MYOM2: variants seen among roughly 807,000 people sequenced by gnomAD.
MYOM2 encodes myomesin-2.
In MYOM2, 254 loss-of-function variants were observed where a neutral mutation model predicts 187.6. The ratio of observed to expected loss-of-function variants is 1.35; its 90% CI spans 1.22 to 1.50. MYOM2 has a LOEUF of 1.50. Among genes scored for constraint, MYOM2 ranks in the 40% most tolerant of loss-of-function variants. The pLI is 0.00. For missense variants in MYOM2, 2,796 were observed against 1,924.0 expected, an observed-to-expected ratio of 1.45 and a Z score of -8.48; for synonymous variants, 981 against 753.8, an observed-to-expected ratio of 1.30 and a Z score of -4.94.
intron 27 of MYOM2, among the ~76,000 whole-genome samples, chr8:2,116,626 G>A (rs1797253674): frequency 6.6e-6 from 1 of 152,158 alleles, no homozygotes. Context: ...TTAAGATTGT[G>A]GGAGCTGTTA....
At chr8:2,097,664 A>G (rs561138277) in intron 18 of MYOM2, among the ~76,000 whole-genome samples, 69 of 152,002 alleles carry the variant, frequency 4.5e-4, no homozygotes, top group African/African-American at 1.5e-3. Context: ...ACAGGCGCCC[A>G]CCACCACGCC....
chr8:2,138,879 C>T (rs1408049859), intron 32 of MYOM2, among the ~76,000 whole-genome samples: 1 of 152,186 alleles, frequency 6.6e-6, no homozygotes, highest in African/African-American at 2.4e-5. Flanking sequence ...TTCGGCCTCT[C>T]TGGCTTAGTG....
intron 35 of MYOM2, 121 bp from the exon 36 acceptor site, chr8:2,143,280 T>C: frequency 9.0e-7 from 1 of 1,117,308 alleles, no homozygotes; most frequent in Non-Finnish European, 1.4e-6. Flanking sequence ...TGATGCTCGC[T>C]CTCTCCTGAG....
rs557188221 is a variant in MYOM2, at chr8:2,096,151, G to A, written c.2126-96G>A. On this transcript the variant is annotated intron_variant, in intron 17 of 36. Coordinates refer to ENST00000262113, the MANE Select transcript of MYOM2 (RefSeq NM_003970.4). ...CAGTGTTCAGGCCCGTCTCCACGTTGCTTCCTCCTCCCTCTGCCACACTGG... is the reference window on the plus strand; with the variant it reads ...CAGTGTTCAGGCCCGTCTCCACGTTACTTCCTCCTCCCTCTGCCACACTGG... 1.2e-5 allele frequency: 15 copies of A among 1,204,192 alleles called. No homozygotes were observed. In the South Asian group the frequency reaches 1.7e-4, roughly 14 times the overall value. 74.6% of individuals were successfully genotyped at this position (1,204,192 alleles called of 1,614,324 possible). A position where few individuals can be genotyped will look rare whatever the true frequency, so the allele number is the denominator to read the frequency against.
chr8:2,061,580 C>T (rs977549394), intron 6 of MYOM2, among the ~76,000 whole-genome samples: 8 of 152,052 alleles, frequency 5.3e-5, no homozygotes, highest in Non-Finnish European at 7.4e-5. Context: ...TGCCCCTCCC[C>T]GAGTCAGGGG....
chr8:2,094,719 C>A (rs1271649928), intron 17 of MYOM2, among the ~76,000 whole-genome samples: 1 of 152,226 alleles, frequency 6.6e-6, no homozygotes, highest in Non-Finnish European at 1.5e-5. Flanking sequence ...ACAGCAACAT[C>A]CATGACCTTT....
chr8:2,086,378 T>C (rs1175402976), intron 14 of MYOM2, among the ~76,000 whole-genome samples: 2,378 of 4,982 alleles, frequency 0.48, 947 homozygotes, highest in East Asian at 0.83. Flanking sequence ...TTGTGATCTC[T>C]GCGTGGCCTC....
chr8:2,059,846 G>C (rs139421131), intron 6 of MYOM2, among the ~76,000 whole-genome samples: 3 of 150,822 alleles, frequency 2.0e-5, no homozygotes, highest in Admixed American at 2.0e-4. Context: ...AGGATCAAGC[G>C]ATTCTCCTGC....
intron 36 of MYOM2, among the ~76,000 whole-genome samples, chr8:2,144,219 T>G (rs1798376314): frequency 6.6e-6 from 1 of 152,254 alleles, no homozygotes; most frequent in Non-Finnish European, 1.5e-5. Context: ...GCTTCAAGAA[T>G]GCATTTTTTT....
In MYOM2 at chr8:2,143,336, A is replaced by G. The variant is rs1010319798; in HGVS notation, c.4025-65A>G. On this transcript the variant is annotated intron_variant, in intron 35 of 36. Coordinates refer to ENST00000262113, the MANE Select transcript of MYOM2 (RefSeq NM_003970.4). ...CACCTTGGTACCCACTGCTGCTTAC[A>G]TGGCTCCTGCTCCGTGGGAACGTCC... The G allele has an allele frequency of 6.3e-6, 10 of 1,588,198 alleles. No homozygotes were observed. The African/African-American group carries it at 9.4e-5, about 15-fold the overall frequency.
intron 32 of MYOM2, among the ~76,000 whole-genome samples, chr8:2,138,486 C>T (rs1224800358): frequency 1.3e-5 from 2 of 152,218 alleles, no homozygotes; most frequent in Non-Finnish European, 2.9e-5. Flanking sequence ...ATTCTCCCGC[C>T]TCTTTCCGGG....
intron 21 of MYOM2, among the ~76,000 whole-genome samples, chr8:2,103,103 G>T (rs1453542147): frequency 1.4e-5 from 2 of 138,730 alleles, no homozygotes; most frequent in Non-Finnish European, 3.1e-5. Flanking sequence ...ATAAATGCAT[G>T]TATTATGTGT....
At chr8:2,127,926 A>G (rs1275675545) in intron 31 of MYOM2, 2 of 152,368 alleles carry the variant, frequency 1.3e-5, no homozygotes, top group African/African-American at 4.8e-5. Flanking sequence ...GATAAAAGGA[A>G]AACAAAGAGC....
intron 2 of MYOM2, among the ~76,000 whole-genome samples, chr8:2,051,600 C>G (rs1166508023): frequency 6.6e-6 from 1 of 152,188 alleles, no homozygotes; most frequent in Non-Finnish European, 1.5e-5. Flanking sequence ...CCAAACAAAG[C>G]CAAACATTTG....
At chr8:2,086,522 CCA>C (rs1796079646) in intron 14 of MYOM2, among the ~76,000 whole-genome samples, 6 of 134,594 alleles carry the variant, frequency 4.5e-5, no homozygotes, top group Non-Finnish European at 6.9e-5. Context: ...CTGCGTGGCC[CCA>C]CACTGTCGTG....
Position 2,068,059 on chromosome 8 carries a change from C to T in MYOM2, c.654-1219C>T, listed in dbSNP as rs535493053. 2.6e-5 allele frequency among the ~76,000 whole-genome samples: 4 copies of T among 152,270 alleles called. No homozygotes were observed. The South Asian group carries it at 8.3e-4, about 32-fold the overall frequency. On this transcript the variant is annotated intron_variant, in intron 6 of 36. Coordinates refer to ENST00000262113, the MANE Select transcript of MYOM2 (RefSeq NM_003970.4). ...TCGATGGGTTTTCGGTGGTTTCATC[C>T]CAGGATTCTCATCCCAGGGGCATTA...
chr8:2,144,930 G>A lies in MYOM2; in HGVS notation c.4347G>A (p.Gln1449=). The change falls in exon 37 of 37, where the codon CAG becomes CAA. Residue 1449 remains glutamine (Q), a synonymous_variant. Transcript: ENST00000262113. ...AGATCCCGGACATGGCCCCGCCCCA[G>A]CAAGCCAAGCCCAAGCTCATCCCCG... is the stretch of plus-strand genomic sequence containing the variant. ...GEKIPDMAPP[Q]QAKPKLIPAS... The A allele has an allele frequency of 1.9e-6, 3 of 1,614,202 alleles. No individual in the cohort carries two copies. Among genetic ancestry groups the A allele is most frequent in the Non-Finnish European group, 1.7e-6 (2 of 1,180,042 alleles).
At position 2,106,468 on chromosome 8, in the gene MYOM2, C is replaced by T. The variant is rs182282684; in HGVS notation, c.2892-23C>T. 150 of 1,610,132 alleles carry T rather than the reference C, an allele frequency of 9.3e-5. No individual in the cohort carries two copies. The East Asian group carries it at 3.3e-3, about 35-fold the overall frequency. On this transcript the variant is annotated intron_variant, in intron 22 of 36. Transcript: ENST00000262113. Reference sequence around the variant, plus strand: ...CCTGCAAACAGAAATGATCGACATTCACCTACTCTTCTTCCTTTTTAGCTC... The same window carrying T: ...CCTGCAAACAGAAATGATCGACATTTACCTACTCTTCTTCCTTTTTAGCTC...
intron 32 of MYOM2, 145 bp downstream of exon 32, chr8:2,129,377 T>G: frequency 1.8e-6 from 1 of 543,094 alleles, no homozygotes; most frequent in Non-Finnish European, 3.3e-6. Context: ...ATGACAACCT[T>G]TAGCTCAGGG....
Sources: gnomAD v4.1 joint callset for allele counts (sites outside exome capture counted in the v4.1 genomes callset) on GRCh38, gnomAD v4.1.1 for gene constraint, MANE v1.5 for transcripts, NCBI Gene and HGNC (gene_info 2026-07-23, HGNC 2026-07-21) for gene names.